TENM1: variants seen among roughly 807,000 people sequenced by gnomAD.
The protein encoded by TENM1 is teneurin-1.
A neutral mutation model predicts 174.8 loss-of-function variants in TENM1; 35 were observed. The ratio of observed to expected loss-of-function variants is 0.20; its 90% CI spans 0.15 to 0.27. The LOEUF is 0.27. Among genes scored for constraint, TENM1 ranks in the 10% least tolerant of loss-of-function variants. TENM1 has a pLI of 1.00. For missense variants in TENM1, 1,633 were observed against 2,130.1 expected, an observed-to-expected ratio of 0.77 and a Z score of 4.59; for synonymous variants, 781 against 798.7, an observed-to-expected ratio of 0.98 and a Z score of 0.37.
At chrX:124,973,060 C>T in the TENM1 span, among the ~76,000 whole-genome samples, 1 of 112,001 alleles carries the variant, frequency 8.9e-6, no homozygotes, top group African/African-American at 3.2e-5. Flanking sequence ...GCAAGAAAGC[C>T]ATCTTGAGTT....
rs181823094 is a variant in TENM1, at chrX:124,688,674, T to C, written c.1015+16339A>G. 2.0e-3 allele frequency: 225 copies of C among 114,719 alleles called. 1 individual carries two copies. The highest frequency in any genetic ancestry group is 7.0e-3 in the African/African-American group (215 of 30,880). 9.5% of individuals were successfully genotyped at this position (114,719 alleles called of 1,213,427 possible). On this transcript the variant is annotated intron_variant, in intron 5 of 31. Transcript: ENST00000422452. ...TACAGCTTGGGAAACACTGTGAGCATTGAGGGCTCACTTCAGAAATGTCCC... is the reference window on the plus strand; with the variant it reads ...TACAGCTTGGGAAACACTGTGAGCACTGAGGGCTCACTTCAGAAATGTCCC...
At chrX:124,422,615 G>A (rs1422608935) in exon 24 of TENM1, 1 of 1,209,214 alleles carries the variant, frequency 8.3e-7, no homozygotes, top group Admixed American at 2.2e-5. Flanking sequence ...TTACTGCAAG[G>A]TCTGTTGGCC....
chrX:124,674,932 T>C (rs773363457), intron 5 of TENM1, among the ~76,000 whole-genome samples: 1 of 111,695 alleles, frequency 9.0e-6, no homozygotes, highest in African/African-American at 3.2e-5. Context: ...AAGGGGGCTA[T>C]TTTATATACT....
At chrX:124,520,837 G>C (rs1253451729) in intron 17 of TENM1, 53 bp from the exon 21 acceptor site, 2 of 1,060,408 alleles carry the variant, frequency 1.9e-6, no homozygotes, top group African/African-American at 3.8e-5. Flanking sequence ...AGTGGTCGCA[G>C]GTAGATGAGG....
intron 3 of TENM1, among the ~76,000 whole-genome samples, chrX:124,823,631 T>A (rs2056090482): frequency 9.0e-6 from 1 of 111,008 alleles, no homozygotes; most frequent in South Asian, 3.8e-4. Context: ...AGTATACTAC[T>A]CTTATAGATT....
At chrX:125,099,131 A>G in the TENM1 span, among the ~76,000 whole-genome samples, 1 of 112,295 alleles carries the variant, frequency 8.9e-6, no homozygotes, top group Non-Finnish European at 1.9e-5. Flanking sequence ...GTTAAGAGGT[A>G]TTTCTAATAG....
intron 3 of TENM1, among the ~76,000 whole-genome samples, chrX:124,757,240 T>A (rs189978760): frequency 1.9e-4 from 21 of 112,412 alleles, no homozygotes; most frequent in African/African-American, 6.5e-4. Flanking sequence ...TGCAGTTTGA[T>A]CTCAGACTGC....
intron 3 of TENM1, among the ~76,000 whole-genome samples, chrX:124,745,351 A>G (rs1052377318): frequency 9.0e-5 from 10 of 111,565 alleles, no homozygotes; most frequent in Non-Finnish European, 1.7e-4. Flanking sequence ...CTATTATAGC[A>G]GTATTCACAA....
At chrX:124,994,826 C>T in the TENM1 span, among the ~76,000 whole-genome samples, 1 of 111,479 alleles carries the variant, frequency 9.0e-6, no homozygotes, top group African/African-American at 3.3e-5. Flanking sequence ...TTCTGATTTG[C>T]TTTTCATACT....
chrX:124,473,716 TCCATTCCCTCCAGGCCC>T (rs1439768581), intron 22 of TENM1, among the ~76,000 whole-genome samples: 28 of 110,864 alleles, frequency 2.5e-4, no homozygotes, highest in Non-Finnish European at 4.7e-4. Context: ...CATCTTCTGC[TCCATTCCCTCCAGGCCC>T]CCATTCCCTC....
chrX:125,106,087 T>C, the TENM1 span, among the ~76,000 whole-genome samples: 1 of 111,810 alleles, frequency 8.9e-6, no homozygotes, highest in Non-Finnish European at 1.9e-5. Context: ...CCTAAATGAG[T>C]CCTTCTCATC....
At chrX:125,077,357 TTTTTTTGCGAATTAAGACC>T in the TENM1 span, among the ~76,000 whole-genome samples, 1 of 111,144 alleles carries the variant, frequency 9.0e-6, no homozygotes, top group Admixed American at 9.7e-5. Flanking sequence ...CATGGGTTGA[TTTTTTTGCGAATTAAGACC>T]TTAGCTCTAA....
At chrX:124,581,414 C>T (rs1249011199) in intron 11 of TENM1, among the ~76,000 whole-genome samples, 5 of 87,705 alleles carry the variant, frequency 5.7e-5, no homozygotes, top group African/African-American at 2.1e-4. Flanking sequence ...TACATATGTA[C>T]CACATTTTCT....
At chrX:124,516,525 T>C (rs1244258723) in intron 18 of TENM1, among the ~76,000 whole-genome samples, 6 of 111,941 alleles carry the variant, frequency 5.4e-5, no homozygotes. Flanking sequence ...AGCAACCCTA[T>C]TAAAAAGTAG....
chrX:124,495,488 C>T (rs1353372662), intron 20 of TENM1, among the ~76,000 whole-genome samples: 1 of 109,484 alleles, frequency 9.1e-6, no homozygotes, highest in Non-Finnish European at 1.9e-5. Context: ...ATGGTAGTTT[C>T]TTTTGCTGTG....
chrX:125,129,897 C>T, the TENM1 span, among the ~76,000 whole-genome samples: 1 of 111,565 alleles, frequency 9.0e-6, no homozygotes. Context: ...AATAGTGCTG[C>T]AACAAACATT....
intron 23 of TENM1, 22 bp downstream of exon 26, chrX:124,453,315 C>T (rs1569532430): frequency 2.5e-6 from 3 of 1,183,843 alleles, no homozygotes; most frequent in Non-Finnish European, 3.4e-6. Flanking sequence ...GACAATAATA[C>T]TTGAAAACCA....
chrX:124,605,620 C>T (rs756969495), intron 11 of TENM1, among the ~76,000 whole-genome samples: 1 of 111,436 alleles, frequency 9.0e-6, no homozygotes, highest in Non-Finnish European at 1.9e-5. Flanking sequence ...CCTCTGAGGA[C>T]TAATGTCACT....
chrX:124,490,097 T>C (rs1347071536), intron 20 of TENM1, among the ~76,000 whole-genome samples: 2 of 112,169 alleles, frequency 1.8e-5, no homozygotes, highest in Non-Finnish European at 3.8e-5. Flanking sequence ...GACTCGTGAA[T>C]GCTTTTAGCT....
Sources: allele counts gnomAD v4.1 joint callset (sites outside exome capture counted in the v4.1 genomes callset), GRCh38; gene constraint gnomAD v4.1.1; transcripts MANE v1.5; gene names NCBI Gene and HGNC (gene_info 2026-07-23, HGNC 2026-07-21).